The following NRG3 variants were observed in gnomAD, a reference collection of about 807,000 sequenced individuals.
NRG3 encodes the protein neuregulin 3.
Under a neutral mutation model 66.9 loss-of-function variants are expected in NRG3, and 31 were observed. That is an observed-to-expected ratio of 0.46 (90% CI 0.35 to 0.63). The LOEUF (loss-of-function observed/expected upper bound fraction) is 0.63, where lower values mean the gene tolerates loss of function less well. Among genes scored for constraint, NRG3 ranks in the 20% least tolerant of loss-of-function variants. NRG3 has a pLI of 0.00. For synonymous variants in NRG3, 393 were observed against 359.4 expected, an observed-to-expected ratio of 1.09 and a Z score of -1.06; for missense variants, 910 against 878.9, an observed-to-expected ratio of 1.04 and a Z score of -0.45.
intron 1 of NRG3, among the ~76,000 whole-genome samples, chr10:82,245,781 A>G (rs2077208819): frequency 6.6e-6 from 1 of 152,202 alleles, no homozygotes; most frequent in Non-Finnish European, 1.5e-5. Context: ...ATTTTTGAGA[A>G]GATAAAGAAT....
chr10:82,639,604 T>G (rs774884419), intron 2 of NRG3, among the ~76,000 whole-genome samples: 8 of 152,172 alleles, frequency 5.3e-5, no homozygotes, highest in Non-Finnish European at 8.8e-5. Flanking sequence ...TTCATTGAAA[T>G]TTTTCAAAGC....
chr10:82,950,362 G>C (rs1439010797), intron 4 of NRG3, among the ~76,000 whole-genome samples: 3 of 152,176 alleles, frequency 2.0e-5, no homozygotes, highest in Admixed American at 1.3e-4. Context: ...AGGTGTGTGA[G>C]TAGTGTGGAG....
intron 1 of NRG3, among the ~76,000 whole-genome samples, chr10:82,321,168 A>G (rs1173981339): frequency 6.6e-6 from 1 of 152,112 alleles, no homozygotes; most frequent in Non-Finnish European, 1.5e-5. Context: ...CCTAGATGCT[A>G]CCTTGGGGCT....
chr10:81,878,146 A>G (rs1438611716), intron 1 of NRG3: 3 of 1,422,512 alleles, frequency 2.1e-6, no homozygotes, highest in African/African-American at 1.4e-5. Flanking sequence ...GTGGACGGGA[A>G]TGGCAGCCTG....
chr10:82,451,386 T>G (rs749167795), intron 2 of NRG3, among the ~76,000 whole-genome samples: 1 of 152,188 alleles, frequency 6.6e-6, no homozygotes, highest in Non-Finnish European at 1.5e-5. Flanking sequence ...TTGATTTGGC[T>G]GTCAAATATT....
intron 2 of NRG3, among the ~76,000 whole-genome samples, chr10:82,600,259 T>G (rs527941361): frequency 1.6e-4 from 25 of 152,194 alleles, no homozygotes; most frequent in Admixed American, 3.3e-4. Flanking sequence ...ATCCTGCCAG[T>G]AGTTGTCATT....
intron 1 of NRG3, among the ~76,000 whole-genome samples, chr10:81,916,575 A>C (rs7077089): frequency 6.6e-6 from 1 of 152,168 alleles, no homozygotes; most frequent in East Asian, 1.9e-4. Flanking sequence ...TCCTAAAAGC[A>C]GGTGAAACTG....
intron 3 of NRG3, among the ~76,000 whole-genome samples, chr10:82,815,902 A>G (rs1244858251): frequency 6.6e-6 from 1 of 152,152 alleles, no homozygotes; most frequent in East Asian, 1.9e-4. Context: ...GCTGGCTGCT[A>G]TGGCAGGGCA....
rs796615438 is a variant in NRG3 at position 82,948,520 on chromosome 10, T to C, written c.1055-2949T>C. 9.9e-5 allele frequency among the ~76,000 whole-genome samples: 15 copies of C among 152,232 alleles called. 1 individual carries two copies. Among genetic ancestry groups the C allele is most frequent in the African/African-American group, 3.4e-4 (14 of 41,576 alleles). On this transcript the variant is annotated intron_variant, in intron 4 of 8. Coordinates refer to ENST00000372141, the MANE Select transcript of NRG3 (RefSeq NM_001010848.4). ...AGCATTGCAATCAATCTGTCTATCA[T>C]CTTGGGGAGAATTGACATCTTAATA...
intron 1 of NRG3, among the ~76,000 whole-genome samples, chr10:82,310,429 A>C (rs2134962380): frequency 6.6e-6 from 1 of 152,338 alleles, no homozygotes; most frequent in East Asian, 1.9e-4. Flanking sequence ...GGATAGAATA[A>C]TTCTCTACAA....
At chr10:82,802,745 T>C (rs1340852351) in intron 3 of NRG3, among the ~76,000 whole-genome samples, 1 of 152,040 alleles carries the variant, frequency 6.6e-6, no homozygotes, top group East Asian at 1.9e-4. Flanking sequence ...TTTGATCTCC[T>C]GGGCTCCAAC....
At chr10:82,495,911 G>T (rs1277451435) in intron 2 of NRG3, among the ~76,000 whole-genome samples, 3 of 151,976 alleles carry the variant, frequency 2.0e-5, no homozygotes, top group African/African-American at 7.3e-5. Flanking sequence ...CATTCTCAGT[G>T]AGTTCTTGCC....
chr10:82,932,850 G>T (rs1847705978), intron 4 of NRG3, among the ~76,000 whole-genome samples: 1 of 152,088 alleles, frequency 6.6e-6, no homozygotes, highest in Non-Finnish European at 1.5e-5. Context: ...AGACACACAG[G>T]CAGTAAATGA....
Position 82,885,668 on chromosome 10 carries a change from G to C in NRG3, c.1054+20231G>C, listed in dbSNP as rs538054522. Reference sequence around the variant, plus strand: ...GCAATGTAATCACTGTGGCTTTCAGGGTTTGAGGTATTGAAGAATTGTAGG... The same window carrying C: ...GCAATGTAATCACTGTGGCTTTCAGCGTTTGAGGTATTGAAGAATTGTAGG... On this transcript the variant is annotated intron_variant, in intron 4 of 8. Coordinates refer to ENST00000372141, the MANE Select transcript of NRG3 (RefSeq NM_001010848.4). 3.9e-4 allele frequency among the ~76,000 whole-genome samples: 60 copies of C among 152,264 alleles called. No homozygotes were observed. The South Asian group carries it at 0.012, about 29-fold the overall frequency.
intron 1 of NRG3, among the ~76,000 whole-genome samples, chr10:81,955,108 GTTATA>G (rs1849700726): frequency 2.7e-5 from 4 of 148,290 alleles, no homozygotes; most frequent in Admixed American, 6.8e-5. Flanking sequence ...TGTTTGTTCT[GTTATA>G]TTAGACATAT....
intron 1 of NRG3, among the ~76,000 whole-genome samples, chr10:81,947,781 G>T (rs561896457): frequency 2.0e-5 from 3 of 152,018 alleles, no homozygotes; most frequent in Admixed American, 6.6e-5. Flanking sequence ...CAAAAGTGCC[G>T]TCGGGGACTT....
chr10:82,757,949 A>G (rs1300567829), intron 3 of NRG3, among the ~76,000 whole-genome samples: 3 of 152,044 alleles, frequency 2.0e-5, no homozygotes, highest in African/African-American at 4.8e-5. Context: ...TTAGAGCTCC[A>G]GATGGCTCCA....
chr10:82,369,934 G>T (rs2084774689), intron 2 of NRG3, among the ~76,000 whole-genome samples: 1 of 137,720 alleles, frequency 7.3e-6, no homozygotes, highest in Non-Finnish European at 1.5e-5. Flanking sequence ...ACCTGTTTTT[G>T]GTCGTCCCCC....
chr10:82,879,219 G>A (rs1842085160), intron 4 of NRG3, among the ~76,000 whole-genome samples: 1 of 152,086 alleles, frequency 6.6e-6, no homozygotes, highest in South Asian at 2.1e-4. Flanking sequence ...CCAGCCCAAT[G>A]CTTAGCATAA....
Sources: gnomAD v4.1 joint callset for allele counts (sites outside exome capture counted in the v4.1 genomes callset) on GRCh38, gnomAD v4.1.1 for gene constraint, MANE v1.5 for transcripts, NCBI Gene and HGNC (gene_info 2026-07-23, HGNC 2026-07-21) for gene names.